Variants in F13A1 observed in about 807,000 individuals in gnomAD.
F13A1 encodes the protein FSF, A subunit.
Under a neutral mutation model 80.1 loss-of-function variants are expected in F13A1, and 47 were observed. That is an observed-to-expected ratio of 0.59 (90% CI 0.46 to 0.75). The LOEUF is 0.75. Among genes scored for constraint, F13A1 ranks in the 30% least tolerant of loss-of-function variants. The pLI is 0.00. For synonymous variants in F13A1, 349 were observed against 344.9 expected (o/e 1.01, Z -0.13); for missense variants, 817 against 930.4 (o/e 0.88, Z 1.59).
chr6:6,280,064 C>T (rs575232062), intron 3 of F13A1, among the ~76,000 whole-genome samples: 1 of 151,984 alleles, frequency 6.6e-6, no homozygotes, highest in African/African-American at 2.4e-5. Context: ...ACTGGAGAAA[C>T]AAAAATCAAC....
Position 6,197,310 on chromosome 6 carries a change from T to C in F13A1, c.1129A>G (p.Asn377Asp). ...KDSVWNYHCW[N>D]EAWMTRPDLP... ...TCAGGCCTTGTCATCCATGCTTCAT[T>C]CCAGCAGTGGTAGTTCCTTAGAAAA... The change falls in exon 9 of 15, where the codon AAT becomes GAT. Residue 377 changes from asparagine (N) to aspartate (D), a missense_variant. Transcript: ENST00000264870. 1 of 1,614,114 alleles carries C rather than the reference T, an allele frequency of 6.2e-7. No individual in the cohort carries two copies. Among genetic ancestry groups the C allele is most frequent in the Non-Finnish European group, 8.5e-7 (1 of 1,179,994 alleles).
chr6:6,314,349 G>C (rs1781790), intron 2 of F13A1, among the ~76,000 whole-genome samples: 117,833 of 152,078 alleles, frequency 0.77, 46,253 homozygotes, highest in African/African-American at 0.91. Context: ...CTCAAGTCCC[G>C]CATTATCTGC....
At chr6:6,176,719 G>A (rs1045690693) in intron 11 of F13A1, among the ~76,000 whole-genome samples, 1 of 152,202 alleles carries the variant, frequency 6.6e-6, no homozygotes, top group Non-Finnish European at 1.5e-5. Context: ...CTGGCCAATA[G>A]ATCCATGAGA....
At chr6:6,218,926 G>C (rs1757147178) in intron 8 of F13A1, among the ~76,000 whole-genome samples, 1 of 152,154 alleles carries the variant, frequency 6.6e-6, no homozygotes, top group Non-Finnish European at 1.5e-5. Context: ...GTTTCGGCAG[G>C]CTGGGATTTG....
intron 3 of F13A1, among the ~76,000 whole-genome samples, chr6:6,287,880 G>A (rs1044969933): frequency 6.6e-6 from 1 of 152,206 alleles, no homozygotes; most frequent in African/African-American, 2.4e-5. Context: ...ATGTAACAAG[G>A]AGACTGGGTA....
chr6:6,167,504 GC>G lies in F13A1; in HGVS notation c.1861del (p.Ala621ProfsTer8). On this transcript the variant is annotated frameshift_variant, in exon 13 of 15. Transcript: ENST00000264870. LOFTEE classifies it high-confidence loss of function. The stretch of plus-strand genomic sequence containing the variant: ...GGTTAGCACGGTGGACTTTTGCTTG[GC>G]CAGAACATCCCTGGTCTCATTGATG... ...ARINETRDVL[A>X]KQKSTVLTIP... 1 of 1,613,998 alleles carries G rather than the reference GC, an allele frequency of 6.2e-7. No homozygotes were observed. The highest frequency in any genetic ancestry group is 8.5e-7 in the Non-Finnish European group (1 of 1,179,998).
At chr6:6,171,018 C>G (rs1440997316) in intron 12 of F13A1, among the ~76,000 whole-genome samples, 1 of 152,076 alleles carries the variant, frequency 6.6e-6, no homozygotes, top group Non-Finnish European at 1.5e-5. Context: ...TCAGCTGTCC[C>G]TAGGTCGATG....
intron 12 of F13A1, among the ~76,000 whole-genome samples, chr6:6,171,640 G>T (rs2151074041): frequency 6.6e-6 from 1 of 152,268 alleles, no homozygotes; most frequent in Non-Finnish European, 1.5e-5. Context: ...AGCAGCCAGT[G>T]GTCTTTTCAA....
chr6:6,253,380 A>G (rs1757661203), intron 4 of F13A1, among the ~76,000 whole-genome samples: 3 of 152,188 alleles, frequency 2.0e-5, no homozygotes, highest in South Asian at 4.1e-4. Flanking sequence ...AGCAGAAGCA[A>G]TGTTAGCAGA....
chr6:6,174,693 T>C lies in F13A1; in HGVS notation c.1634A>G (p.His545Arg). The change falls in exon 12 of 15, where the codon CAC (histidine) becomes CGC (arginine). Residue 545 changes from histidine to arginine, a missense_variant. His to Arg is a conservative substitution (Grantham distance 29, BLOSUM62 0). Coordinates refer to ENST00000264870, the MANE Select transcript of F13A1 (RefSeq NM_000129.4). ...KLSITFRNNS[H>R]NRYTITAYLS... ...ATAAGCTGTGATGGTGTAACGGTTG[T>C]GGCTGTTGTTCCGGAAGGTGATGGA... The C allele has an allele frequency of 1.9e-6, 3 of 1,614,206 alleles. No homozygotes were observed. Among genetic ancestry groups the C allele is most frequent in the Non-Finnish European group, 1.7e-6 (2 of 1,180,032 alleles).
intron 3 of F13A1, among the ~76,000 whole-genome samples, chr6:6,300,712 C>A (rs1758415612): frequency 6.6e-6 from 1 of 152,150 alleles, no homozygotes; most frequent in Non-Finnish European, 1.5e-5. Context: ...CTGGGTCGCT[C>A]AGGCTGGGAG....
At chr6:6,249,121 G>A (rs943786929) in intron 5 of F13A1, among the ~76,000 whole-genome samples, 1 of 152,196 alleles carries the variant, frequency 6.6e-6, no homozygotes, top group African/African-American at 2.4e-5. Context: ...AAGACAGGAA[G>A]ATTTTACCTA....
At chr6:6,273,092 C>T (rs1474606192) in intron 3 of F13A1, among the ~76,000 whole-genome samples, 1 of 152,214 alleles carries the variant, frequency 6.6e-6, no homozygotes, top group African/African-American at 2.4e-5. Flanking sequence ...TTCCTTCCTG[C>T]ATGAGATCCA....
chr6:6,315,303 C>T (rs983475064), intron 2 of F13A1, among the ~76,000 whole-genome samples: 1 of 152,184 alleles, frequency 6.6e-6, no homozygotes, highest in Non-Finnish European at 1.5e-5. Context: ...CTGAGGAGAT[C>T]GTCTCAGTAC....
At position 6,174,636 on chromosome 6, in the gene F13A1, A is replaced by C; in HGVS notation, c.1691T>G (p.Val564Gly). ...LSANITFYTG[V>G]PKAEFKKETF... ...CTCCTTCTTGAATTCTGCCTTCGGGACCCCGGTGTAGAAGGTGATGTTGGC... is the reference window on the plus strand; with the variant it reads ...CTCCTTCTTGAATTCTGCCTTCGGGCCCCCGGTGTAGAAGGTGATGTTGGC... The change falls in exon 12 of 15, where the codon GTC (valine) becomes GGC (glycine). Residue 564 changes from valine to glycine, a missense_variant. By Grantham distance (109) the Val-to-Gly change is moderately radical. Transcript: ENST00000264870. The C allele has an allele frequency of 6.2e-7, 1 of 1,614,096 alleles. No individual in the cohort carries two copies. Among genetic ancestry groups the C allele is most frequent in the Non-Finnish European group, 8.5e-7 (1 of 1,180,016 alleles).
At position 6,200,387 on chromosome 6, in the gene F13A1, C is replaced by T. The variant is rs376579367; in HGVS notation, c.1113-3061G>A. 4.6e-5 allele frequency among the ~76,000 whole-genome samples: 7 copies of T among 151,976 alleles called. No homozygotes were observed. In the East Asian group the frequency reaches 5.8e-4, roughly 13 times the overall value. The stretch of plus-strand genomic sequence containing the variant: ...TTTGAGGCCATCCTGGGCAACATGG[C>T]GAAACCCTGTCTCTATTAAAGTTAA... On this transcript the variant is annotated intron_variant, in intron 8 of 14. Transcript: ENST00000264870.
At chr6:6,223,272 A>G (rs1185949777) in intron 7 of F13A1, among the ~76,000 whole-genome samples, 1 of 152,162 alleles carries the variant, frequency 6.6e-6, no homozygotes, top group Non-Finnish European at 1.5e-5. Context: ...AGATTGGATA[A>G]CCTTTTTATG....
intron 13 of F13A1, among the ~76,000 whole-genome samples, chr6:6,153,108 T>C (rs1010956017): frequency 1.3e-5 from 2 of 152,240 alleles, no homozygotes; most frequent in Admixed American, 6.5e-5. Flanking sequence ...TCAATACCAA[T>C]GTCCAGTAAA....
chr6:6,209,763 A>G (rs917976197), intron 8 of F13A1, among the ~76,000 whole-genome samples: 2 of 152,246 alleles, frequency 1.3e-5, no homozygotes, highest in Admixed American at 1.3e-4. Flanking sequence ...CACATATTAC[A>G]TGACTCCACT....
Sources: allele counts gnomAD v4.1 joint callset (sites outside exome capture counted in the v4.1 genomes callset), GRCh38; gene constraint gnomAD v4.1.1; transcripts MANE v1.5; gene names NCBI Gene and HGNC (gene_info 2026-07-23, HGNC 2026-07-21).